Variants in SPIRE1 observed in about 807,000 individuals in gnomAD.
SPIRE1 encodes the protein spire type actin nucleation factor 1, also known as protein spire homolog 1.
Under a neutral mutation model 94.1 loss-of-function variants are expected in SPIRE1, and 40 were observed. The observed-to-expected ratio is 0.43, with a 90% CI of 0.33 to 0.55. The LOEUF (loss-of-function observed/expected upper bound fraction) is 0.55. Ranked by LOEUF, SPIRE1 falls within the 20% of genes least tolerant of loss-of-function variation. SPIRE1 has a pLI of 0.06. For synonymous variants in SPIRE1, 376 were observed against 371.7 expected, an observed-to-expected ratio of 1.01 and a Z score of -0.13; for missense variants, 838 against 975.2, an observed-to-expected ratio of 0.86 and a Z score of 1.87.
chr18:12,621,364 T>C (rs1442264635), intron 2 of SPIRE1, among the ~76,000 whole-genome samples: 2 of 152,212 alleles, frequency 1.3e-5, no homozygotes, highest in Non-Finnish European at 2.9e-5. Flanking sequence ...GAAATTCTTC[T>C]CTTAGGTATA....
In SPIRE1 at chr18:12,496,186, G is replaced by A. The variant is rs2033452210; in HGVS notation, c.973-84C>T. ...TGGGTATAGCTGTTATCTCAAATAT[G>A]CCATAAAATTAGTGAAGTGTAATTA... On this transcript the variant is annotated intron_variant, in intron 6 of 16. Transcript: ENST00000409402. The A allele has an allele frequency of 6.7e-6, 6 of 897,798 alleles. No homozygotes were observed. In the East Asian group the frequency reaches 1.5e-4, roughly 23 times the overall value. The allele number at this position is 897,798 out of a possible 1,614,324, so 55.6% of individuals were successfully genotyped here. A position where few individuals can be genotyped will look rare whatever the true frequency, so the allele number is the denominator to read the frequency against.
At chr18:12,609,833 C>T (rs2144679078) in intron 2 of SPIRE1, among the ~76,000 whole-genome samples, 2 of 152,302 alleles carry the variant, frequency 1.3e-5, no homozygotes, top group Admixed American at 1.3e-4. Flanking sequence ...ACTGCCCACC[C>T]CTCCCCACCT....
chr18:12,512,147 A>G (rs146401816), intron 5 of SPIRE1, among the ~76,000 whole-genome samples: 3,896 of 152,180 alleles, frequency 0.026, 130 homozygotes, highest in African/African-American at 0.078. Context: ...GGAGGATCAC[A>G]TAAGGTCAGG....
chr18:12,606,495 C>A (rs1039556678), intron 2 of SPIRE1, among the ~76,000 whole-genome samples: 3 of 151,358 alleles, frequency 2.0e-5, no homozygotes, highest in Admixed American at 6.6e-5. Flanking sequence ...GCTCACTTTC[C>A]TAAAACCAGT....
At chr18:12,649,661 C>T (rs995392483) in intron 1 of SPIRE1, among the ~76,000 whole-genome samples, 4 of 152,262 alleles carry the variant, frequency 2.6e-5, no homozygotes, top group African/African-American at 9.6e-5. Flanking sequence ...GAGTGCAACT[C>T]ATCATCTCTT....
At chr18:12,525,289 A>AT (rs2034482799) in intron 4 of SPIRE1, among the ~76,000 whole-genome samples, 7 of 146,498 alleles carry the variant, frequency 4.8e-5, no homozygotes, top group East Asian at 2.0e-4. Context: ...AAAAAAAAAA[A>AT]AAAAAAAAAT....
At chr18:12,578,087 G>A (rs1196912022) in intron 2 of SPIRE1, among the ~76,000 whole-genome samples, 1 of 152,160 alleles carries the variant, frequency 6.6e-6, no homozygotes, top group Non-Finnish European at 1.5e-5. Context: ...ACTAGAACAT[G>A]TACATTGCTG....
At chr18:12,608,946 C>T (rs965906237) in intron 2 of SPIRE1, among the ~76,000 whole-genome samples, 35 of 152,102 alleles carry the variant, frequency 2.3e-4, no homozygotes, top group African/African-American at 8.2e-4. Context: ...GACGGTTACA[C>T]GGAAGACAAT....
intron 1 of SPIRE1, among the ~76,000 whole-genome samples, chr18:12,636,834 G>A (rs1227964060): frequency 1.3e-5 from 2 of 152,152 alleles, no homozygotes; most frequent in African/African-American, 4.8e-5. Context: ...TTATACATAT[G>A]ATTGTTTGTT....
chr18:12,520,473 G>A (rs1207052753), intron 4 of SPIRE1, among the ~76,000 whole-genome samples: 2 of 152,080 alleles, frequency 1.3e-5, no homozygotes, highest in African/African-American at 2.4e-5. Flanking sequence ...GGAGAGCAGC[G>A]CTAAGAGCAA....
intron 9 of SPIRE1, among the ~76,000 whole-genome samples, chr18:12,480,157 A>T (rs1418097871): frequency 1.3e-5 from 2 of 152,210 alleles, no homozygotes. Context: ...AGATGAAGAA[A>T]CTGGGGCTGA....
chr18:12,481,887 G>C (rs1446894366), intron 9 of SPIRE1, among the ~76,000 whole-genome samples: 1 of 152,034 alleles, frequency 6.6e-6, no homozygotes, highest in Non-Finnish European at 1.5e-5. Context: ...ACATTTTGTG[G>C]GAATTTTCTA....
At chr18:12,576,617 C>T (rs998635654) in intron 2 of SPIRE1, among the ~76,000 whole-genome samples, 2 of 142,760 alleles carry the variant, frequency 1.4e-5, no homozygotes, top group African/African-American at 5.2e-5. Flanking sequence ...AGACGGGGCA[C>T]AGTGGCTCAC....
At chr18:12,494,027 C>T (rs189499942) in intron 7 of SPIRE1, among the ~76,000 whole-genome samples, 3 of 152,172 alleles carry the variant, frequency 2.0e-5, no homozygotes, top group Admixed American at 2.0e-4. Flanking sequence ...ACCTCAGCCT[C>T]CTGAGTAGCT....
At chr18:12,516,651 T>C (rs1365803632) in intron 4 of SPIRE1, among the ~76,000 whole-genome samples, 1 of 152,232 alleles carries the variant, frequency 6.6e-6, no homozygotes, top group African/African-American at 2.4e-5. Flanking sequence ...TACGATTTAA[T>C]ATGTCCTTAA....
chr18:12,571,715 CA>C (rs2035965048), intron 2 of SPIRE1, among the ~76,000 whole-genome samples: 2 of 152,312 alleles, frequency 1.3e-5, no homozygotes, highest in African/African-American at 4.8e-5. Flanking sequence ...CCTTCAAAAG[CA>C]TAATTTTCTA....
At chr18:12,657,411 T>C in intron 1 of SPIRE1, 119 bp downstream of exon 1, 1 of 821,760 alleles carries the variant, frequency 1.2e-6, no homozygotes, top group Non-Finnish European at 1.6e-6. Context: ...CTCCCGGGGG[T>C]CTCCCGTGGC....
At chr18:12,455,079 G>A (rs1256519089) in intron 12 of SPIRE1, among the ~76,000 whole-genome samples, 4 of 152,022 alleles carry the variant, frequency 2.6e-5, no homozygotes, top group Non-Finnish European at 5.9e-5. Context: ...GGGACTACAG[G>A]TGCATGCCAC....
intron 4 of SPIRE1, among the ~76,000 whole-genome samples, chr18:12,516,561 T>C (rs2034200675): frequency 6.6e-6 from 1 of 152,206 alleles, no homozygotes; most frequent in Admixed American, 6.5e-5. Flanking sequence ...TTAGACTTCC[T>C]AATTATGTGA....
Sources: gnomAD v4.1 joint callset for allele counts (sites outside exome capture counted in the v4.1 genomes callset) on GRCh38, gnomAD v4.1.1 for gene constraint, MANE v1.5 for transcripts, NCBI Gene and HGNC (gene_info 2026-07-23, HGNC 2026-07-21) for gene names.